Variants in DOCK6 observed in about 807,000 individuals in gnomAD.
The protein encoded by DOCK6 is dedicator of cytokinesis 6.
A neutral mutation model predicts 230.3 loss-of-function variants in DOCK6; 167 were observed. That is an observed-to-expected ratio of 0.73 (90% CI 0.64 to 0.82). The LOEUF is 0.82. Ranked by LOEUF, DOCK6 falls within the 40% of genes least tolerant of loss-of-function variation. DOCK6 has a pLI of 0.00. For synonymous variants in DOCK6, 1,148 were observed against 1,185.0 expected (o/e 0.97, Z 0.64); for missense variants, 2,598 against 2,825.8 (o/e 0.92, Z 1.83).
intron 5 of DOCK6, 130 bp from the exon 6 acceptor site, chr19:11,251,216 A>AAGGGTCACCTGGGGGTTT (rs1339279844): frequency 3.3e-6 from 3 of 915,420 alleles, no homozygotes; most frequent in Non-Finnish European, 4.9e-6. Flanking sequence ...TCATCACTCT[A>AAGGGTCACCTGGGGGTTT]AGGGTCACCT....
In DOCK6 at chr19:11,202,432, A is replaced by G; in HGVS notation, c.5413T>C (p.Ser1805Pro). The G allele has an allele frequency of 6.2e-7, 1 of 1,613,804 alleles. No individual in the cohort carries two copies. The highest frequency in any genetic ancestry group is 8.5e-7 in the Non-Finnish European group (1 of 1,179,822). ...GDDVVEIIKD[S>P]NPVDKSKLDS... ...AGCTTGGACTTGTCCACAGGGTTAG[A>G]GTCTTTGATAATCTCAACGACGTCG... The change falls in exon 43 of 48, where the codon TCT becomes CCT. Residue 1805 changes from serine to proline, a missense_variant. Physicochemically the swap from Ser to Pro is moderately conservative, Grantham distance 74. Coordinates refer to ENST00000294618, the MANE Select transcript of DOCK6 (RefSeq NM_020812.4). This position sits in a 1 kb window ranked among gnomAD's most constrained non-coding sequence, Gnocchi z 5.3.
In DOCK6 at chr19:11,232,637, G is replaced by A. The variant is rs1189396627; in HGVS notation, c.2718+566C>T. Reference sequence around the variant, plus strand: ...TGCACCTGTGTAAGTATATGCATGGGGTGAATGTGTATACGCACCCGTGTC... The same window carrying A: ...TGCACCTGTGTAAGTATATGCATGGAGTGAATGTGTATACGCACCCGTGTC... On this transcript the variant is annotated intron_variant, in intron 22 of 47. Transcript: ENST00000294618. Among the ~76,000 whole-genome samples, 3 of 152,074 alleles carry A rather than the reference G, an allele frequency of 2.0e-5. No homozygotes were observed. The East Asian group carries it at 5.8e-4, about 29-fold the overall frequency.
intron 39 of DOCK6, among the ~76,000 whole-genome samples, chr19:11,206,895 G>A (rs900568292): frequency 1.3e-5 from 2 of 151,750 alleles, no homozygotes; most frequent in Non-Finnish European, 2.9e-5. Flanking sequence ...TCAGGCTGGA[G>A]TGCAGTGGGC....
Position 11,202,344 on chromosome 19 carries a change from T to C in DOCK6, c.5451+50A>G. The C allele has an allele frequency of 1.3e-6, 2 of 1,587,198 alleles. No individual in the cohort carries two copies. The highest frequency in any genetic ancestry group is 1.7e-6 in the Non-Finnish European group (2 of 1,164,740). On this transcript the variant is annotated intron_variant, in intron 43 of 47. Transcript: ENST00000294618. This position sits in a 1 kb window ranked among gnomAD's most constrained non-coding sequence, Gnocchi z 5.3. ...TTTGAGGGTCCCCAGGAAACAGCACTTGGAGTCTCTGTGAATCTAAGATTT... is the reference window on the plus strand; with the variant it reads ...TTTGAGGGTCCCCAGGAAACAGCACCTGGAGTCTCTGTGAATCTAAGATTT...
At chr19:11,213,038 C>A (rs931029500) in intron 35 of DOCK6, 138 bp downstream of exon 35, 3 of 1,184,668 alleles carry the variant, frequency 2.5e-6, no homozygotes, top group Non-Finnish European at 2.3e-6. Context: ...ACCTGACCCC[C>A]AATTGCATTC....
At chr19:11,256,153 T>A (rs1326792961) in intron 1 of DOCK6, among the ~76,000 whole-genome samples, 2 of 152,038 alleles carry the variant, frequency 1.3e-5, no homozygotes, top group African/African-American at 4.8e-5. Context: ...GAAAAGCGCT[T>A]GTGGGGAATT....
chr19:11,214,701 C>T (rs974594160), intron 32 of DOCK6, 52 bp from the exon 33 acceptor site: 4 of 1,542,190 alleles, frequency 2.6e-6, no homozygotes, highest in Non-Finnish European at 3.6e-6. Flanking sequence ...GATCCTACTC[C>T]ATGGCTGAGC....
At chr19:11,237,359 A>G (rs2147831768) in intron 18 of DOCK6, 97 bp downstream of exon 18, 4 of 1,397,126 alleles carry the variant, frequency 2.9e-6, no homozygotes, top group East Asian at 4.6e-5. Flanking sequence ...CCAGTAGAGG[A>G]TAACAAGCCT....
Position 11,236,839 on chromosome 19 carries a change from C to G in DOCK6, c.2114G>C (p.Gly705Ala). 1 of 1,555,784 alleles carries G rather than the reference C, an allele frequency of 6.4e-7. No homozygotes were observed. The highest frequency in any genetic ancestry group is 2.4e-5 in the East Asian group (1 of 41,184). The change falls in exon 19 of 48, where the codon GGC becomes GCC. Residue 705 changes from glycine (G) to alanine (A), a missense_variant. Gly to Ala is a moderately conservative substitution (Grantham distance 60). Coordinates refer to ENST00000294618, the MANE Select transcript of DOCK6 (RefSeq NM_020812.4). This position sits in a 1 kb window ranked among gnomAD's most constrained non-coding sequence, Gnocchi z 5.2. Reference protein sequence around the residue: ...PGMRWVDGHKGVFSVELTAVS... With the variant: ...PGMRWVDGHKAVFSVELTAVS... ...GGCTGTGAGCTCCACACTGAACACG[C>G]CCTTGTGACCGTCCACCCAGCGCAT...
chr19:11,211,980 C>T lies in DOCK6; in HGVS notation c.4650+13G>A, dbSNP rs762112023. 3.1e-6 allele frequency: 5 copies of T among 1,592,948 alleles called. No homozygotes were observed. The South Asian group carries it at 4.5e-5, about 14-fold the overall frequency. On this transcript the variant is annotated intron_variant, in intron 36 of 47. Transcript: ENST00000294618. The stretch of plus-strand genomic sequence containing the variant: ...ATGAAGGGGAGGCGGGGCGGGGACC[C>T]AGCAGGTGTCACCTGCTCTGCGAAG...
In DOCK6 at chr19:11,236,991, G is replaced by GTGCTTGGC; in HGVS notation, c.2074-113_2074-112insGCCAAGCA. 2 of 1,128,122 alleles carry GTGCTTGGC rather than the reference G, an allele frequency of 1.8e-6. No individual in the cohort carries two copies. The highest frequency in any genetic ancestry group is 2.5e-6 in the Non-Finnish European group (2 of 801,282). 69.9% of individuals were successfully genotyped at this position (1,128,122 alleles called of 1,614,324 possible). ...AGCGTGAGTGTAGCCCGGTCTGGGGGTGCAGCCAAGCACCCTGCCCCCAGC... is the reference window on the plus strand; with the variant it reads ...AGCGTGAGTGTAGCCCGGTCTGGGGGTGCTTGGCTGCAGCCAAGCACCCTGCCCCCAGC... On this transcript the variant is annotated intron_variant, in intron 18 of 47. Coordinates refer to ENST00000294618, the MANE Select transcript of DOCK6 (RefSeq NM_020812.4). The surrounding 1 kb of genome is among the most constrained non-coding windows in gnomAD (Gnocchi z 5.2).
At position 11,237,678 on chromosome 19, in the gene DOCK6, C is replaced by A; in HGVS notation, c.1934G>T (p.Arg645Leu). The A allele has an allele frequency of 6.3e-7, 1 of 1,596,726 alleles. No individual in the cohort carries two copies. Among genetic ancestry groups the A allele is most frequent in the Non-Finnish European group, 8.5e-7 (1 of 1,172,316 alleles). Residue 645 changes from arginine to leucine, a missense_variant, in exon 17 of 48, where the codon CGG becomes CTG. By Grantham distance (102) the Arg-to-Leu change is moderately radical. Coordinates refer to ENST00000294618, the MANE Select transcript of DOCK6 (RefSeq NM_020812.4). ...FTFYHVSCQP[R>L]PGTALETPVG... ...GGGTGTCTCCAGGGCAGTGCCCGGC[C>A]GGGGCTGGCAGCTGACATGGTAGAA...
At chr19:11,228,426 T>C (rs1322918426) in intron 23 of DOCK6, among the ~76,000 whole-genome samples, 1 of 152,012 alleles carries the variant, frequency 6.6e-6, no homozygotes, top group Non-Finnish European at 1.5e-5. Flanking sequence ...GGTGGCTCTC[T>C]CTAAAGGTGG....
At chr19:11,225,358 C>A (rs977182928) in intron 24 of DOCK6, among the ~76,000 whole-genome samples, 2 of 152,228 alleles carry the variant, frequency 1.3e-5, no homozygotes, top group African/African-American at 4.8e-5. Context: ...AAGGCCAGAA[C>A]CTTTGAGACC....
intron 41 of DOCK6, chr19:11,203,441 AGAGACGGGAGGGGGGC>A (rs1289985761): frequency 7.3e-6 from 1 of 137,254 alleles, no homozygotes; most frequent in African/African-American, 2.7e-5. Flanking sequence ...GGGAGAGATC[AGAGACGGGAGGGGGGC>A]GGGGGCGAAG....
At position 11,222,446 on chromosome 19, in the gene DOCK6, G is replaced by T; in HGVS notation, c.3241-198C>A. On this transcript the variant is annotated intron_variant, in intron 26 of 47. Transcript: ENST00000294618. This position sits in a 1 kb window ranked among gnomAD's most constrained non-coding sequence, Gnocchi z 4.0. ...GAGGGGCTGACGTTAACCCATCTGT[G>T]ATGTAACAGGGCACGGAGTCAAAAG... is the stretch of plus-strand genomic sequence containing the variant. The T allele has an allele frequency of 1.3e-6, 1 of 784,590 alleles. No homozygotes were observed. The highest frequency in any genetic ancestry group is 2.0e-6 in the Non-Finnish European group (1 of 505,434). 48.6% of individuals were successfully genotyped at this position (784,590 alleles called of 1,614,324 possible).
chr19:11,222,395 T>C lies in DOCK6; in HGVS notation c.3241-147A>G. 6.0e-6 allele frequency: 7 copies of C among 1,170,316 alleles called. No individual in the cohort carries two copies. Among genetic ancestry groups the C allele is most frequent in the Non-Finnish European group, 8.3e-6 (7 of 844,394 alleles). 72.5% of individuals were successfully genotyped at this position (1,170,316 alleles called of 1,614,324 possible). On this transcript the variant is annotated intron_variant, in intron 26 of 47. Transcript: ENST00000294618. The surrounding 1 kb of genome is among the most constrained non-coding windows in gnomAD (Gnocchi z 4.0). ...ATGTTAAGTCATCTGGAGGTGACAGTGGGCATGGGTTTCAAGGCCAGAAGT... is the reference window on the plus strand; with the variant it reads ...ATGTTAAGTCATCTGGAGGTGACAGCGGGCATGGGTTTCAAGGCCAGAAGT...
At chr19:11,238,718 G>A (rs1015611297) in intron 14 of DOCK6, 2 of 182,156 alleles carry the variant, frequency 1.1e-5, no homozygotes, top group African/African-American at 4.6e-5. Flanking sequence ...GGTCACTAGA[G>A]TTATGTGGCC....
chr19:11,215,248 C>G lies in DOCK6; in HGVS notation c.4106+139G>C, dbSNP rs11673129. On this transcript the variant is annotated intron_variant, in intron 32 of 47. Coordinates refer to ENST00000294618, the MANE Select transcript of DOCK6 (RefSeq NM_020812.4). Reference sequence around the variant, plus strand: ...ATGAGCCACTGCGCCCGGCCCATGCCCGGCTAATTTTTAAATTTTTGGTAG... The same window carrying G: ...ATGAGCCACTGCGCCCGGCCCATGCGCGGCTAATTTTTAAATTTTTGGTAG... 374,885 of 687,434 alleles carry G rather than the reference C, an allele frequency of 0.55. 106,202 individuals carry two copies. Among genetic ancestry groups the G allele is most frequent in the Middle Eastern group, 0.59 (2,092 of 3,520 alleles). 42.6% of individuals were successfully genotyped at this position (687,434 alleles called of 1,614,324 possible).
Sources: gnomAD v4.1 joint callset for allele counts (sites outside exome capture counted in the v4.1 genomes callset) on GRCh38, gnomAD v4.1.1 for gene constraint, Gnocchi (gnomAD v3.1) non-coding constraint, MANE v1.5 for transcripts, NCBI Gene and HGNC (gene_info 2026-07-23, HGNC 2026-07-21) for gene names.